Variants in GPR26 observed in about 807,000 individuals in gnomAD.
GPR26 encodes the protein G protein-coupled receptor 26.
Under a neutral mutation model 23.1 loss-of-function variants are expected in GPR26, and 15 were observed. The observed-to-expected ratio is 0.65, with a 90% CI of 0.43 to 1.00. The LOEUF is 1.00. Ranked by LOEUF, GPR26 falls within the 50% of genes least tolerant of loss-of-function variation. GPR26 has a pLI of 0.00. For synonymous variants in GPR26, 228 were observed against 222.1 expected (o/e 1.03, Z -0.24); for missense variants, 359 against 470.5 (o/e 0.76, Z 2.19).
At position 123,696,702 on chromosome 10, in the gene GPR26, G is replaced by A. The variant is rs1169093282; in HGVS notation, c.*8542G>A. Among the ~76,000 whole-genome samples, 1 of 152,198 alleles carries A rather than the reference G, an allele frequency of 6.6e-6. No homozygotes were observed. Among genetic ancestry groups the A allele is most frequent in the Non-Finnish European group, 1.5e-5 (1 of 68,034 alleles). On this transcript the variant is annotated 3_prime_UTR_variant, in exon 3 of 3. Coordinates refer to ENST00000284674, the MANE Select transcript of GPR26 (RefSeq NM_153442.4). Reference sequence around the variant, plus strand: ...GTCAGACTCTTAGGAAAATGGGTGGGACATCTGTGTGTTTGTGTTGGAGTG... The same window carrying A: ...GTCAGACTCTTAGGAAAATGGGTGGAACATCTGTGTGTTTGTGTTGGAGTG...
intron 2 of GPR26, among the ~76,000 whole-genome samples, chr10:123,679,325 C>T (rs905588325): frequency 3.9e-5 from 6 of 152,166 alleles, no homozygotes; most frequent in African/African-American, 1.4e-4. Flanking sequence ...AATGCTGAAG[C>T]CAGGCTGGGA....
At chr10:123,677,412 A>G (rs1273099592) in intron 2 of GPR26, among the ~76,000 whole-genome samples, 1 of 152,180 alleles carries the variant, frequency 6.6e-6, no homozygotes, top group Non-Finnish European at 1.5e-5. Flanking sequence ...TATGTCTGGC[A>G]GAACCCCGCC....
At chr10:123,667,658 G>A (rs888712223) in intron 1 of GPR26, among the ~76,000 whole-genome samples, 1 of 151,772 alleles carries the variant, frequency 6.6e-6, no homozygotes, top group South Asian at 2.1e-4. Flanking sequence ...GGGGTGGGGT[G>A]GGGGGCTCTT....
At chr10:123,680,122 T>C (rs1845353415) in intron 2 of GPR26, among the ~76,000 whole-genome samples, 1 of 152,312 alleles carries the variant, frequency 6.6e-6, no homozygotes, top group South Asian at 2.1e-4. Flanking sequence ...TGAGCTCAGC[T>C]GCAGCCCCAG....
intron 2 of GPR26, among the ~76,000 whole-genome samples, chr10:123,684,172 C>G (rs1205480899): frequency 6.6e-6 from 1 of 152,196 alleles, no homozygotes; most frequent in Non-Finnish European, 1.5e-5. Flanking sequence ...TCCCAGAGAG[C>G]ACACGGAAAG....
At chr10:123,667,197 G>C in intron 1 of GPR26, 122 bp downstream of exon 1, 1 of 782,560 alleles carries the variant, frequency 1.3e-6, no homozygotes, top group South Asian at 2.0e-5. Context: ...ACTCGAGGGT[G>C]GGGAAAGCGG....
At position 123,695,132 on chromosome 10, in the gene GPR26, G is replaced by A. The variant is rs568397994; in HGVS notation, c.*6972G>A. Among the ~76,000 whole-genome samples the A allele has an allele frequency of 3.3e-5, 5 of 152,214 alleles. No homozygotes were observed. Among genetic ancestry groups the A allele is most frequent in the Non-Finnish European group, 7.3e-5 (5 of 68,048 alleles). ...TCTCCGGGTGTTGCCCGTACAGTGT[G>A]TCATGTAAATAGCATCTAGCATTTA... On this transcript the variant is annotated 3_prime_UTR_variant, in exon 3 of 3. Transcript: ENST00000284674.
rs57869785 is a variant in GPR26, at chr10:123,675,798, C to CTGTGTGTGTGTGTGTGTGTGTGTACGTG, written c.782+886_782+887insGTGTACGTGTGTGTGTGTGTGTGTGTGT. On this transcript the variant is annotated intron_variant, in intron 2 of 2. Coordinates refer to ENST00000284674, the MANE Select transcript of GPR26 (RefSeq NM_153442.4). ...GGAAGCAGCATCTGTGCAGGGTTTTCTGTGTGTGTGTGTGTGTGTACGTGT... is the reference window on the plus strand; with the variant it reads ...GGAAGCAGCATCTGTGCAGGGTTTTCTGTGTGTGTGTGTGTGTGTGTGTACGTGTGTGTGTGTGTGTGTGTGTACGTGT... 9.2e-4 allele frequency among the ~76,000 whole-genome samples: 132 copies of CTGTGTGTGTGTGTGTGTGTGTGTACGTG among 142,710 alleles called. 1 individual carries two copies. The highest frequency in any genetic ancestry group is 7.0e-3 in the Middle Eastern group (2 of 284). 93.6% of individuals were successfully genotyped at this position (142,710 alleles called of 152,430 possible).
intron 2 of GPR26, among the ~76,000 whole-genome samples, chr10:123,683,919 C>T (rs1845404911): frequency 6.6e-6 from 1 of 152,176 alleles, no homozygotes; most frequent in Non-Finnish European, 1.5e-5. Flanking sequence ...CACTTTGTAT[C>T]CTCTCCAAAC....
intron 2 of GPR26, among the ~76,000 whole-genome samples, chr10:123,687,405 C>A (rs1472043686): frequency 6.6e-6 from 1 of 152,224 alleles, no homozygotes; most frequent in Non-Finnish European, 1.5e-5. Context: ...CGATATTGTC[C>A]CACCTTTTTG....
chr10:123,675,730 G>T (rs1327094096), intron 2 of GPR26, among the ~76,000 whole-genome samples: 1 of 151,814 alleles, frequency 6.6e-6, no homozygotes, highest in Admixed American at 6.6e-5. Context: ...AAGGAACTTT[G>T]ATGGTTATTA....
At position 123,693,556 on chromosome 10, in the gene GPR26, TA is replaced by T. The variant is rs1845511726; in HGVS notation, c.*5398del. On this transcript the variant is annotated 3_prime_UTR_variant, in exon 3 of 3. Transcript: ENST00000284674. ...AGTGGTATGAGAGCAGTGTGGTTTG[TA>T]AGTTCCCCAACTTCCCCGCTGGCTC... 1 of 152,252 alleles carries T rather than the reference TA, an allele frequency of 6.6e-6. No homozygotes were observed. The highest frequency in any genetic ancestry group is 6.5e-5 in the Admixed American group (1 of 15,280). 9.4% of individuals were successfully genotyped at this position (152,252 alleles called of 1,614,324 possible).
chr10:123,677,657 T>G (rs909784376), intron 2 of GPR26, among the ~76,000 whole-genome samples: 1 of 152,234 alleles, frequency 6.6e-6, no homozygotes, highest in African/African-American at 2.4e-5. Context: ...CTAACCCAGA[T>G]GGAGCACTGT....
chr10:123,666,428 C>T lies in GPR26; in HGVS notation c.21C>T (p.Gly7=). Residue 7 remains glycine, a synonymous_variant, in exon 1 of 3, where the codon GGC becomes GGT. Transcript: ENST00000284674. MNSWDA[G]LAGLLVGTMG... is the part of the protein sequence containing the mutation. The stretch of plus-strand genomic sequence containing the variant: ...GCACCATGAACTCGTGGGACGCGGG[C>T]CTGGCGGGGCTACTGGTGGGCACGA... 1.3e-6 allele frequency: 2 copies of T among 1,523,472 alleles called. No homozygotes were observed. The highest frequency in any genetic ancestry group is 1.2e-5 in the South Asian group (1 of 81,426). 94.4% of individuals were successfully genotyped at this position (1,523,472 alleles called of 1,614,324 possible). A position where few individuals can be genotyped will look rare whatever the true frequency, so the allele number is the denominator to read the frequency against.
rs1845182264 is a variant in GPR26, at chr10:123,666,390, C to T, written c.-18C>T. On this transcript the variant is annotated 5_prime_UTR_variant, in exon 1 of 3. Transcript: ENST00000284674. ...GCGCCGGGTTGCGGACCCTGAGCGC[C>T]GGCGCGGGGCGCGCACCATGAACTC... 8.8e-6 allele frequency: 12 copies of T among 1,362,958 alleles called. No individual in the cohort carries two copies. Among genetic ancestry groups the T allele is most frequent in the Middle Eastern group, 2.6e-4 (1 of 3,854 alleles). The allele number at this position is 1,362,958 out of a possible 1,614,324, so 84.4% of individuals were successfully genotyped here.
chr10:123,673,968 CGTT>C (rs1845279450), intron 1 of GPR26, among the ~76,000 whole-genome samples: 1 of 149,660 alleles, frequency 6.7e-6, no homozygotes, highest in Non-Finnish European at 1.5e-5. Context: ...TTGTTGTTGT[CGTT>C]GTTGAGACAA....
chr10:123,675,039 G>GT, intron 2 of GPR26, 108 bp downstream of exon 2: 1 of 677,358 alleles, frequency 1.5e-6, no homozygotes, highest in Non-Finnish European at 2.6e-6. Context: ...TGCACGGTGT[G>GT]TTGTGGGGGG....
intron 2 of GPR26, among the ~76,000 whole-genome samples, chr10:123,684,936 A>G (rs564885095): frequency 6.6e-6 from 1 of 152,336 alleles, no homozygotes; most frequent in African/African-American, 2.4e-5. Flanking sequence ...CCTGAGCCCA[A>G]TAACCCCTCA....
chr10:123,666,630 G>A lies in GPR26; in HGVS notation c.223G>A (p.Gly75Ser). Residue 75 changes from glycine to serine, a missense_variant, in exon 1 of 3, where the codon GGC (glycine) becomes AGC (serine). Physicochemically the swap from Gly to Ser is moderately conservative, Grantham distance 56. Transcript: ENST00000284674. ...AGVVAQRQPA[G>S]DRLCRLAAFL... ...CGTCGTGGCGCAGCGGCAGCCGGCG[G>A]GCGACCGCCTGTGCCGCCTGGCTGC... is the stretch of plus-strand genomic sequence containing the variant. 6.3e-7 allele frequency: 1 copy of A among 1,591,078 alleles called. No individual in the cohort carries two copies. Among genetic ancestry groups the A allele is most frequent in the Non-Finnish European group, 8.5e-7 (1 of 1,172,868 alleles).
Sources: allele counts gnomAD v4.1 joint callset (sites outside exome capture counted in the v4.1 genomes callset), GRCh38; gene constraint gnomAD v4.1.1; transcripts MANE v1.5; gene names NCBI Gene and HGNC (gene_info 2026-07-23, HGNC 2026-07-21).